HS3ST4: variants seen among roughly 807,000 people sequenced by gnomAD.
HS3ST4 encodes the protein heparan sulfate glucosamine 3-O-sulfotransferase 4.
HS3ST4 carries 17 observed loss-of-function variants against 29.2 expected under a neutral mutation model. That is an observed-to-expected ratio of 0.58 (90% CI 0.40 to 0.87). The LOEUF (loss-of-function observed/expected upper bound fraction) is 0.87, where lower values mean the gene tolerates loss of function less well. HS3ST4 is among the 40% of genes least tolerant of loss of function. The pLI, the probability that HS3ST4 is intolerant of heterozygous loss-of-function variation, is 0.00. For synonymous variants in HS3ST4, 314 were observed against 285.7 expected (o/e 1.10, Z -1.00); for missense variants, 627 against 634.5 (o/e 0.99, Z 0.13).
chr16:25,767,422 C>CG (rs1165981479), intron 1 of HS3ST4, among the ~76,000 whole-genome samples: 4 of 151,820 alleles, frequency 2.6e-5, no homozygotes, highest in East Asian at 3.9e-4. Context: ...TATGTCTCCT[C>CG]GGGGGGTGGC....
rs551575369 is a variant in HS3ST4 at position 25,831,936 on chromosome 16, A to C, written c.734+138785A>C. Among the ~76,000 whole-genome samples, 6 of 152,002 alleles carry C rather than the reference A, an allele frequency of 3.9e-5. No individual in the cohort carries two copies. The South Asian group carries it at 8.3e-4, about 21-fold the overall frequency. Reference sequence around the variant, plus strand: ...GCCTGGGCAACATAGGGAGACTATGACTCTACAATAAATTTAAAAATTAGC... The same window carrying C: ...GCCTGGGCAACATAGGGAGACTATGCCTCTACAATAAATTTAAAAATTAGC... On this transcript the variant is annotated intron_variant, in intron 1 of 1. Transcript: ENST00000331351.
chr16:25,901,297 CA>C (rs541926092), intron 1 of HS3ST4, among the ~76,000 whole-genome samples: 109 of 152,312 alleles, frequency 7.2e-4, no homozygotes, highest in African/African-American at 2.6e-3. Flanking sequence ...GAAACTTAAC[CA>C]GTCTCATGAG....
intron 1 of HS3ST4, among the ~76,000 whole-genome samples, chr16:25,708,539 C>T (rs1290551267): frequency 6.6e-6 from 1 of 152,038 alleles, no homozygotes; most frequent in Non-Finnish European, 1.5e-5. Context: ...AATGAAAATG[C>T]CATGTTGCCA....
At chr16:25,817,340 G>C (rs1044679254) in intron 1 of HS3ST4, among the ~76,000 whole-genome samples, 9 of 152,188 alleles carry the variant, frequency 5.9e-5, no homozygotes, top group African/African-American at 2.2e-4. Context: ...TAGTACAGAG[G>C]TTGGCGAATT....
chr16:25,830,821 A>G (rs74812346), intron 1 of HS3ST4, among the ~76,000 whole-genome samples: 1 of 151,912 alleles, frequency 6.6e-6, no homozygotes, highest in Admixed American at 6.6e-5. Context: ...TATCCTGAGT[A>G]TAGTGACGAC....
At chr16:25,765,726 C>A (rs1031284517) in intron 1 of HS3ST4, among the ~76,000 whole-genome samples, 3 of 152,182 alleles carry the variant, frequency 2.0e-5, no homozygotes, top group Admixed American at 6.5e-5. Context: ...TGCTAATGGG[C>A]AGAGCCCCCT....
At chr16:25,926,847 G>A (rs139849696) in intron 1 of HS3ST4, among the ~76,000 whole-genome samples, 28 of 152,254 alleles carry the variant, frequency 1.8e-4, no homozygotes, top group African/African-American at 4.8e-5. Flanking sequence ...GTTTTCCTAT[G>A]ATCTCAGTAG....
intron 1 of HS3ST4, among the ~76,000 whole-genome samples, chr16:25,791,959 C>A (rs187910479): frequency 4.6e-5 from 7 of 151,582 alleles, no homozygotes; most frequent in Admixed American, 4.6e-4. Context: ...AGGAAACTTG[C>A]AATATTTTAA....
intron 1 of HS3ST4, among the ~76,000 whole-genome samples, chr16:26,102,034 G>C (rs1014377245): frequency 3.9e-5 from 6 of 151,900 alleles, no homozygotes; most frequent in Non-Finnish European, 8.8e-5. Flanking sequence ...TGTTTGTTTT[G>C]GCATTAGTTC....
intron 1 of HS3ST4, among the ~76,000 whole-genome samples, chr16:25,848,451 GA>G (rs1326120554): frequency 3.2e-5 from 3 of 95,160 alleles, no homozygotes; most frequent in Non-Finnish European, 5.8e-5. Context: ...AATTTTAAAC[GA>G]AAAAATAATT....
intron 1 of HS3ST4, among the ~76,000 whole-genome samples, chr16:25,759,794 G>C (rs879410601): frequency 6.6e-6 from 1 of 152,114 alleles, no homozygotes; most frequent in African/African-American, 2.4e-5. Flanking sequence ...CAGACATGAT[G>C]GTGGGCTCCT....
At chr16:25,742,171 T>C (rs4448942) in intron 1 of HS3ST4, among the ~76,000 whole-genome samples, 85,298 of 151,940 alleles carry the variant, frequency 0.56, 24,382 homozygotes, top group Non-Finnish European at 0.62. Flanking sequence ...CAAATCCACA[T>C]CCCCCACCTC....
At chr16:25,712,522 A>G (rs192190502) in intron 1 of HS3ST4, among the ~76,000 whole-genome samples, 1 of 152,298 alleles carries the variant, frequency 6.6e-6, no homozygotes, top group Admixed American at 6.5e-5. Context: ...CCCTGTATCT[A>G]TAAAAAAATA....
intron 1 of HS3ST4, among the ~76,000 whole-genome samples, chr16:26,123,079 A>T (rs1341776881): frequency 6.6e-6 from 1 of 151,358 alleles, no homozygotes; most frequent in Non-Finnish European, 1.5e-5. Context: ...CGGGGGCTTG[A>T]ACAGGGCTCT....
At chr16:26,135,253 T>G (rs1024947745) in intron 1 of HS3ST4, among the ~76,000 whole-genome samples, 3 of 152,208 alleles carry the variant, frequency 2.0e-5, no homozygotes, top group Non-Finnish European at 4.4e-5. Flanking sequence ...CCCTTAATCC[T>G]TATACTACAG....
intron 1 of HS3ST4, among the ~76,000 whole-genome samples, chr16:26,041,075 T>C (rs866446779): frequency 1.3e-5 from 2 of 152,186 alleles, no homozygotes; most frequent in African/African-American, 2.4e-5. Flanking sequence ...TGGTGATTCA[T>C]GCTTATAATC....
intron 1 of HS3ST4, among the ~76,000 whole-genome samples, chr16:26,050,633 C>T (rs1380463398): frequency 1.3e-5 from 2 of 152,160 alleles, no homozygotes; most frequent in East Asian, 1.9e-4. Context: ...TGATTCCTTC[C>T]GCACCACTCA....
At chr16:26,019,140 A>G (rs530061029) in intron 1 of HS3ST4, among the ~76,000 whole-genome samples, 150 of 152,096 alleles carry the variant, frequency 9.9e-4, no homozygotes, top group Non-Finnish European at 1.6e-3. Context: ...TTTCTCTCTC[A>G]TCTGCTACCC....
At chr16:25,922,213 G>A (rs551874880) in intron 1 of HS3ST4, among the ~76,000 whole-genome samples, 1 of 152,226 alleles carries the variant, frequency 6.6e-6, no homozygotes, top group East Asian at 1.9e-4. Context: ...AAATCTATAG[G>A]TTGAAACCTA....
Sources: gnomAD v4.1 joint callset for allele counts (sites outside exome capture counted in the v4.1 genomes callset) on GRCh38, gnomAD v4.1.1 for gene constraint, MANE v1.5 for transcripts, NCBI Gene and HGNC (gene_info 2026-07-23, HGNC 2026-07-21) for gene names.